ZFC3H1: variants seen among roughly 807,000 people sequenced by gnomAD.
The protein encoded by ZFC3H1 is zinc finger C3H1 domain-containing protein.
ZFC3H1 carries 71 observed loss-of-function variants against 243.7 expected under a neutral mutation model. The ratio of observed to expected loss-of-function variants is 0.29; its 90% CI spans 0.24 to 0.36. The LOEUF is 0.36. ZFC3H1 is among the 10% of genes least tolerant of loss of function. The pLI, the probability that ZFC3H1 is intolerant of heterozygous loss-of-function variation, is 1.00. For synonymous variants in ZFC3H1, 838 were observed against 813.0 expected (o/e 1.03, Z -0.52); for missense variants, 1,966 against 2,317.1 (o/e 0.85, Z 3.11).
intron 2 of ZFC3H1, among the ~76,000 whole-genome samples, chr12:71,653,422 T>TA (rs759748564): frequency 4.6e-5 from 7 of 152,152 alleles, no homozygotes; most frequent in Non-Finnish European, 1.0e-4. Flanking sequence ...TAACATAACA[T>TA]ACATCTATAC....
At chr12:71,627,656 G>T in intron 21 of ZFC3H1, 95 bp downstream of exon 21, 1 of 1,224,620 alleles carries the variant, frequency 8.2e-7, no homozygotes, top group Non-Finnish European at 1.1e-6. Flanking sequence ...ATTGATACTA[G>T]GAAAGAAACC....
Position 71,626,440 on chromosome 12 carries a change from G to C in ZFC3H1, c.4137C>G (p.Cys1379Trp). ...TTAAAGCAGAATCCAAGGATTCTGA[G>C]CACTCCCTGTATATATAAAAGAAAA... ...YKYLNQNEGE[C>W]SESLDSALNV... Residue 1379 changes from cysteine (C) to tryptophan (W), a missense_variant, in exon 22 of 35, where the codon TGC (cysteine) becomes TGG (tryptophan). Coordinates refer to ENST00000378743, the MANE Select transcript of ZFC3H1 (RefSeq NM_144982.5). 1 of 1,613,162 alleles carries C rather than the reference G, an allele frequency of 6.2e-7. No homozygotes were observed. The highest frequency in any genetic ancestry group is 8.5e-7 in the Non-Finnish European group (1 of 1,179,660).
chr12:71,625,944 T>G (rs1471222299), intron 22 of ZFC3H1, among the ~76,000 whole-genome samples: 2 of 152,194 alleles, frequency 1.3e-5, no homozygotes, highest in Non-Finnish European at 2.9e-5. Flanking sequence ...AAAGCTACAC[T>G]TAACTTTGCC....
chr12:71,629,721 A>G lies in ZFC3H1; in HGVS notation c.3725-11T>C. 1.3e-6 allele frequency: 2 copies of G among 1,494,352 alleles called. No homozygotes were observed. Among genetic ancestry groups the G allele is most frequent in the Non-Finnish European group, 1.9e-6 (2 of 1,072,444 alleles). 92.6% of individuals were successfully genotyped at this position (1,494,352 alleles called of 1,614,324 possible). A position where few individuals can be genotyped will look rare whatever the true frequency, so the allele number is the denominator to read the frequency against. On this transcript the variant is annotated splice_polypyrimidine_tract_variant and intron_variant, in intron 18 of 34. Coordinates refer to ENST00000378743, the MANE Select transcript of ZFC3H1 (RefSeq NM_144982.5). ...TCTCAACATATTTTTCTGAAATAAG[A>G]GCAATGCAATCTTCATGATAAATAT...
At position 71,663,583 on chromosome 12, in the gene ZFC3H1, C is replaced by T; in HGVS notation, c.28G>A (p.Ala10Thr). The change falls in exon 1 of 35, where the codon GCC (alanine) becomes ACC (threonine). Residue 10 changes from alanine (A) to threonine (T), a missense_variant. Ala to Thr is a moderately conservative substitution (Grantham distance 58, BLOSUM62 0). Transcript: ENST00000378743. Reference protein sequence around the residue: MATADTPAPASSGLSPKEEG... With the variant: MATADTPAPTSSGLSPKEEG... Reference sequence around the variant, plus strand: ...TCCTTCGGCGAGAGGCCACTGGAGGCCGGGGCCGGAGTATCTGCGGTCGCC... The same window carrying T: ...TCCTTCGGCGAGAGGCCACTGGAGGTCGGGGCCGGAGTATCTGCGGTCGCC... 6.2e-7 allele frequency: 1 copy of T among 1,611,838 alleles called. No individual in the cohort carries two copies. The highest frequency in any genetic ancestry group is 8.5e-7 in the Non-Finnish European group (1 of 1,179,832).
At position 71,657,236 on chromosome 12, in the gene ZFC3H1, CCA is replaced by C. The variant is rs756655250; in HGVS notation, c.662_663del (p.Val221GlyfsTer5). Reference protein sequence around the residue: ...QNYSSKNENCVEETFEDLLLK... With the variant: ...QNYSSKNENCXEETFEDLLLK... The stretch of plus-strand genomic sequence containing the variant: ...AAAAGCAAATCTTCAAAAGTTTCTT[CCA>C]CACAGTTTTCATTTTTTGATGAATA... On this transcript the variant is annotated frameshift_variant, in exon 2 of 35. Transcript: ENST00000378743. LOFTEE classifies it high-confidence loss of function. 2 of 1,597,990 alleles carry C rather than the reference CCA, an allele frequency of 1.3e-6. No individual in the cohort carries two copies. The highest frequency in any genetic ancestry group is 8.5e-7 in the Non-Finnish European group (1 of 1,174,906).
chr12:71,628,801 A>G, intron 20 of ZFC3H1, 117 bp downstream of exon 20: 1 of 1,168,076 alleles, frequency 8.6e-7, no homozygotes, highest in South Asian at 2.0e-5. Context: ...CATCGTTTTT[A>G]AAAAAAATTT....
At chr12:71,641,426 T>C (rs149769542) in intron 6 of ZFC3H1, among the ~76,000 whole-genome samples, 1 of 152,232 alleles carries the variant, frequency 6.6e-6, no homozygotes, top group African/African-American at 2.4e-5. Flanking sequence ...TATGTGACTA[T>C]AGGGAGAAAT....
At chr12:71,613,959 T>C (rs1013591060) in intron 30 of ZFC3H1, among the ~76,000 whole-genome samples, 1 of 152,156 alleles carries the variant, frequency 6.6e-6, no homozygotes, top group Non-Finnish European at 1.5e-5. Flanking sequence ...TAGCCTATAA[T>C]GCACTGAATA....
Position 71,620,295 on chromosome 12 carries a change from C to T in ZFC3H1, c.4765G>A (p.Asp1589Asn), listed in dbSNP as rs1411197721. The T allele has an allele frequency of 6.2e-7, 1 of 1,614,032 alleles. No homozygotes were observed. Among genetic ancestry groups the T allele is most frequent in the East Asian group, 2.2e-5 (1 of 44,884 alleles). The change falls in exon 25 of 35, where the codon GAT (aspartate) becomes AAT (asparagine). Residue 1589 changes from aspartate to asparagine, a missense_variant. Physicochemically the swap from Asp to Asn is conservative, Grantham distance 23 (BLOSUM62 1). Coordinates refer to ENST00000378743, the MANE Select transcript of ZFC3H1 (RefSeq NM_144982.5). Reference protein sequence around the residue: ...VFEDAVKACTDESLAVEERIE... With the variant: ...VFEDAVKACTNESLAVEERIE... ...CTTTCCTCAACAGCAAGGCTCTCAT[C>T]TGTGCAAGCTTTCACTGCATCTACC...
intron 1 of ZFC3H1, 53 bp from the exon 2 acceptor site, chr12:71,657,354 T>C (rs1431853604): frequency 7.7e-7 from 1 of 1,292,990 alleles, no homozygotes; most frequent in Admixed American, 2.8e-5. Flanking sequence ...CAGTTAAATT[T>C]AACAAAAAAA....
At chr12:71,627,253 G>A (rs1018258831) in intron 21 of ZFC3H1, among the ~76,000 whole-genome samples, 4 of 152,032 alleles carry the variant, frequency 2.6e-5, no homozygotes, top group African/African-American at 9.7e-5. Flanking sequence ...GGTTGTATAA[G>A]TTATTACCAT....
At position 71,662,930 on chromosome 12, in the gene ZFC3H1, T is replaced by A. The variant is rs1881224451; in HGVS notation, c.598+83A>T. On this transcript the variant is annotated intron_variant, in intron 1 of 34. Coordinates refer to ENST00000378743, the MANE Select transcript of ZFC3H1 (RefSeq NM_144982.5). ...AATAAGCGGTTCTGATGATTCAAAG[T>A]TACACTCGTCTCACAGACCTAGTAA... is the stretch of plus-strand genomic sequence containing the variant. 6 of 1,357,454 alleles carry A rather than the reference T, an allele frequency of 4.4e-6. No homozygotes were observed. The South Asian group carries it at 8.2e-5, about 19-fold the overall frequency. The allele number at this position is 1,357,454 out of a possible 1,614,324, so 84.1% of individuals were successfully genotyped here.
Position 71,610,718 on chromosome 12 carries a change from G to A in ZFC3H1, c.5809C>T (p.Leu1937Phe), listed in dbSNP as rs762632066. Residue 1937 changes from leucine (L) to phenylalanine (F), a missense_variant, in exon 34 of 35, where the codon CTT becomes TTT. This residue lies in a region of ZFC3H1 where 1,383 missense variants were observed against 1,723.7 expected (regional missense o/e 0.80). Coordinates refer to ENST00000378743, the MANE Select transcript of ZFC3H1 (RefSeq NM_144982.5). ...LYQRALQKLP[L>F]CASLWKDQLL... The stretch of plus-strand genomic sequence containing the variant: ...ACATCTTTCCACAGTGATGCACAAA[G>A]AGGTAACTTCTGTAAGGCTCTCTGA... The A allele has an allele frequency of 1.2e-6, 2 of 1,613,324 alleles. No individual in the cohort carries two copies. Among genetic ancestry groups the A allele is most frequent in the African/African-American group, 1.3e-5 (1 of 75,006 alleles).
intron 23 of ZFC3H1, 89 bp from the exon 24 acceptor site, chr12:71,623,686 T>A: frequency 1.1e-6 from 1 of 911,244 alleles, no homozygotes; most frequent in Non-Finnish European, 1.6e-6. Flanking sequence ...GTTTATGAAA[T>A]AATAAAAAGG....
intron 33 of ZFC3H1, 24 bp from the exon 34 acceptor site, chr12:71,610,781 T>C: frequency 2.5e-6 from 4 of 1,600,624 alleles, no homozygotes; most frequent in Non-Finnish European, 3.4e-6. Context: ...ATACACACAA[T>C]TCCATCAGAA....
intron 1 of ZFC3H1, chr12:71,660,384 C>A (rs1881134526): frequency 6.6e-6 from 1 of 152,064 alleles, no homozygotes; most frequent in Non-Finnish European, 1.5e-5. Context: ...ATAGGGAAAA[C>A]AATGAGCAGG....
At chr12:71,626,544 T>C in intron 21 of ZFC3H1, 98 bp from the exon 22 acceptor site, 1 of 1,046,624 alleles carries the variant, frequency 9.6e-7, no homozygotes, top group Non-Finnish European at 1.3e-6. Context: ...TTCCATTTTC[T>C]ACTAGAATTT....
Position 71,619,425 on chromosome 12 carries a change from G to C in ZFC3H1, c.5050-16C>G. The C allele has an allele frequency of 6.2e-7, 1 of 1,607,188 alleles. No individual in the cohort carries two copies. The highest frequency in any genetic ancestry group is 1.1e-5 in the South Asian group (1 of 90,746). ...CGCCTCGATTCTATTTTAAAAAGAG[G>C]GAGGGGGATATATATCAGGCTTACA... On this transcript the variant is annotated splice_polypyrimidine_tract_variant and intron_variant, in intron 26 of 34. Coordinates refer to ENST00000378743, the MANE Select transcript of ZFC3H1 (RefSeq NM_144982.5).
Sources: allele counts gnomAD v4.1 joint callset (sites outside exome capture counted in the v4.1 genomes callset), GRCh38; gene constraint gnomAD v4.1.1; regional missense constraint gnomAD v4.1.1; transcripts MANE v1.5; gene names NCBI Gene and HGNC (gene_info 2026-07-23, HGNC 2026-07-21).